The following CLCA4 variants were observed in gnomAD, a reference collection of about 807,000 sequenced individuals.
CLCA4 encodes the protein calcium-activated chloride channel regulator 4.
Under a neutral mutation model 78.9 loss-of-function variants are expected in CLCA4, and 69 were observed. The ratio of observed to expected loss-of-function variants is 0.87; its 90% CI spans 0.72 to 1.07. The LOEUF (loss-of-function observed/expected upper bound fraction) is 1.07, where lower values mean the gene tolerates loss of function less well. Ranked by LOEUF, CLCA4 falls within the 50% of genes least tolerant of loss-of-function variation. The pLI, the probability that CLCA4 is intolerant of heterozygous loss-of-function variation, is 0.00. For synonymous variants in CLCA4, 362 were observed against 375.8 expected (o/e 0.96, Z 0.42); for missense variants, 1,133 against 1,095.8 (o/e 1.03, Z -0.48).
rs1185952484 is a variant in CLCA4, at chr1:86,571,175, AC to A, written c.1282del (p.Gln428LysfsTer19). 1 of 1,613,118 alleles carries A rather than the reference AC, an allele frequency of 6.2e-7. No homozygotes were observed. The highest frequency in any genetic ancestry group is 8.5e-7 in the Non-Finnish European group (1 of 1,179,264). On this transcript the variant is annotated frameshift_variant, in exon 8 of 14. Coordinates refer to ENST00000370563, the MANE Select transcript of CLCA4 (RefSeq NM_012128.4). LOFTEE classifies it high-confidence loss of function. ...CAAGTTCTTGTATTGATGAAGTGAAACAAAGTGGGGCCATTGTTCATTTTAT... is the reference window on the plus strand; with the variant it reads ...CAAGTTCTTGTATTGATGAAGTGAAAAAAGTGGGGCCATTGTTCATTTTAT... ...TASSCIDEVK[Q>X]SGAIVHFIAL...
At position 86,567,419 on chromosome 1, in the gene CLCA4, T is replaced by G. The variant is rs1175757136; in HGVS notation, c.955-5T>G. The G allele has an allele frequency of 6.3e-7, 1 of 1,587,634 alleles. No homozygotes were observed. The highest frequency in any genetic ancestry group is 8.6e-7 in the Non-Finnish European group (1 of 1,166,694). On this transcript the variant is annotated splice_polypyrimidine_tract_variant and splice_region_variant and intron_variant, in intron 6 of 13. Coordinates refer to ENST00000370563, the MANE Select transcript of CLCA4 (RefSeq NM_012128.4). ...TTGTTTGTTTTTCTTGTCTTTTTAA[T>G]CTAGGGTAAGGACCGCCTAAATCGA...
intron 13 of CLCA4, 95 bp downstream of exon 13, chr1:86,579,682 AT>A: frequency 1.1e-6 from 1 of 930,042 alleles, no homozygotes; most frequent in South Asian, 1.5e-5. Flanking sequence ...ATGGTTTTAT[AT>A]TGACAGCCTA....
At chr1:86,579,299 T>C (rs979024604) in intron 12 of CLCA4, 55 bp from the exon 13 acceptor site, 5 of 1,268,988 alleles carry the variant, frequency 3.9e-6, no homozygotes, top group African/African-American at 1.5e-5. Flanking sequence ...ATTCACTGAA[T>C]TATAATAAAT....
intron 1 of CLCA4, among the ~76,000 whole-genome samples, chr1:86,559,722 A>G (rs943524404): frequency 3.3e-5 from 5 of 152,238 alleles, no homozygotes; most frequent in African/African-American, 9.6e-5. Flanking sequence ...AGGCAGGATT[A>G]TAGAAGACTG....
At chr1:86,573,974 A>C (rs1650432484) in intron 9 of CLCA4, among the ~76,000 whole-genome samples, 1 of 152,078 alleles carries the variant, frequency 6.6e-6, no homozygotes, top group African/African-American at 2.4e-5. Flanking sequence ...GCCTATGTTA[A>C]TCTACTTGAT....
intron 1 of CLCA4, chr1:86,553,453 C>T (rs934335612): frequency 8.3e-6 from 3 of 359,428 alleles, no homozygotes; most frequent in East Asian, 5.4e-5. Context: ...GCTGTCGAAG[C>T]CTTTGTCACG....
intron 7 of CLCA4, 90 bp from the exon 8 acceptor site, chr1:86,570,987 T>C: frequency 5.4e-6 from 5 of 927,160 alleles, no homozygotes; most frequent in Non-Finnish European, 1.6e-6. Context: ...TAACTTTGTT[T>C]ATTTTCTCTG....
Position 86,558,982 on chromosome 1 carries a change from T to TC in CLCA4, c.160-950_160-949insC, listed in dbSNP as rs201151015. Among the ~76,000 whole-genome samples, 946 of 152,082 alleles carry TC rather than the reference T, an allele frequency of 6.2e-3. 7 individuals carry two copies. The highest frequency in any genetic ancestry group is 7.8e-3 in the Non-Finnish European group (533 of 67,972). ...TCTCTAGCTGCCTTTAACACTCTTTTTTTTTTTTTCATTTCAACCTTGGAA... is the reference window on the plus strand; with the variant it reads ...TCTCTAGCTGCCTTTAACACTCTTTTCTTTTTTTTTCATTTCAACCTTGGAA... On this transcript the variant is annotated intron_variant, in intron 1 of 13. Coordinates refer to ENST00000370563, the MANE Select transcript of CLCA4 (RefSeq NM_012128.4).
rs1240940277 is a variant in CLCA4, at chr1:86,565,826, AC to A, written c.763del (p.His255IlefsTer11). On this transcript the variant is annotated frameshift_variant, in exon 6 of 14. Transcript: ENST00000370563. LOFTEE classifies it high-confidence loss of function. ...DSVVEFCNEK[T>X]HNQEAPSLQN... ...GGTTGTTGAATTTTGTAACGAAAAA[AC>A]CCATAATCAAGAAGCTCCAAGCCTA... 6 of 1,538,530 alleles carry A rather than the reference AC, an allele frequency of 3.9e-6. No individual in the cohort carries two copies. The highest frequency in any genetic ancestry group is 2.3e-5 in the East Asian group (1 of 42,990).
At chr1:86,549,800 T>C (rs969059516) in intron 1 of CLCA4, among the ~76,000 whole-genome samples, 2 of 152,084 alleles carry the variant, frequency 1.3e-5, no homozygotes, top group African/African-American at 4.8e-5. Flanking sequence ...CAAGAGTTAG[T>C]TGGTTGGGGC....
chr1:86,574,544 A>G lies in CLCA4; in HGVS notation c.1472A>G (p.Glu491Gly). ...TDLSQKSLQL[E>G]SKGLTLNSNA... ...TTTTGAAATCTATTTAAACAGCTCGAAAGTAAGGGATTAACACTGAATAGT... is the reference window on the plus strand; with the variant it reads ...TTTTGAAATCTATTTAAACAGCTCGGAAGTAAGGGATTAACACTGAATAGT... The change falls in exon 10 of 14, where the codon GAA becomes GGA. Residue 491 changes from glutamate to glycine, a missense_variant. Coordinates refer to ENST00000370563, the MANE Select transcript of CLCA4 (RefSeq NM_012128.4). 1.2e-6 allele frequency: 2 copies of G among 1,610,836 alleles called. No homozygotes were observed. The highest frequency in any genetic ancestry group is 1.7e-6 in the Non-Finnish European group (2 of 1,177,410).
At chr1:86,566,141 C>T in intron 6 of CLCA4, 121 bp downstream of exon 6, 1 of 711,496 alleles carries the variant, frequency 1.4e-6, no homozygotes, top group South Asian at 2.7e-5. Context: ...CATCACTGCC[C>T]ATGATCATGA....
chr1:86,563,844 A>G (rs568512692), intron 4 of CLCA4, 75 bp downstream of exon 4: 69 of 797,356 alleles, frequency 8.7e-5, no homozygotes, highest in Middle Eastern at 2.3e-4. Context: ...ATTTCTTCCA[A>G]AATCATTCTT....
At position 86,579,529 on chromosome 1, in the gene CLCA4, T is replaced by C. The variant is rs1650641098; in HGVS notation, c.2298T>C (p.His766=). The C allele has an allele frequency of 1.9e-6, 3 of 1,613,116 alleles. No homozygotes were observed. The highest frequency in any genetic ancestry group is 1.1e-5 in the South Asian group (1 of 91,064). Residue 766 remains histidine, a synonymous_variant, in exon 13 of 14, where the codon CAT becomes CAC. Transcript: ENST00000370563. ...SQITDLDATV[H]EDKIILTWTA... ...TCACAGACCTTGATGCCACAGTTCATGAGGATAAGATTATTCTTACATGGA... is the reference window on the plus strand; with the variant it reads ...TCACAGACCTTGATGCCACAGTTCACGAGGATAAGATTATTCTTACATGGA...
At chr1:86,565,516 T>C (rs1650155285) in intron 5 of CLCA4, 65 bp downstream of exon 5, 4 of 1,305,076 alleles carry the variant, frequency 3.1e-6, no homozygotes, top group Non-Finnish European at 4.3e-6. Context: ...GTTTTTAAAG[T>C]ATCTGTTCAG....
chr1:86,556,552 AT>A (rs774083392), intron 1 of CLCA4, among the ~76,000 whole-genome samples: 6 of 152,028 alleles, frequency 3.9e-5, no homozygotes, highest in Admixed American at 3.9e-4. Context: ...ATCATGGTGG[AT>A]TTGCTTTTTG....
chr1:86,563,774 G>A lies in CLCA4; in HGVS notation c.557+5G>A. ...AAAAAAAATCGAAGCAACAAGGCAT[G>A]GCTATTTAAATTTTCTAAACTGACT... On this transcript the variant is annotated splice_donor_5th_base_variant and intron_variant, in intron 4 of 13. Coordinates refer to ENST00000370563, the MANE Select transcript of CLCA4 (RefSeq NM_012128.4). 1 of 1,540,468 alleles carries A rather than the reference G, an allele frequency of 6.5e-7. No individual in the cohort carries two copies. The highest frequency in any genetic ancestry group is 8.9e-7 in the Non-Finnish European group (1 of 1,122,620).
chr1:86,568,441 A>G (rs1650262087), intron 7 of CLCA4, among the ~76,000 whole-genome samples: 1 of 150,426 alleles, frequency 6.6e-6, no homozygotes, highest in African/African-American at 2.4e-5. Flanking sequence ...TATTATGAAC[A>G]TTATTTTTAG....
intron 1 of CLCA4, chr1:86,552,548 G>A (rs534341303): frequency 2.7e-4 from 139 of 521,902 alleles, no homozygotes; most frequent in South Asian, 6.1e-4. Flanking sequence ...GGCGGCAGGC[G>A]CACCCTCTAC....
Sources: allele counts gnomAD v4.1 joint callset (sites outside exome capture counted in the v4.1 genomes callset), GRCh38; gene constraint gnomAD v4.1.1; transcripts MANE v1.5; gene names NCBI Gene and HGNC (gene_info 2026-07-23, HGNC 2026-07-21).